SIN3A: variants seen among roughly 807,000 people sequenced by gnomAD.
The protein encoded by SIN3A is SIN3 transcription regulator family member A.
A neutral mutation model predicts 146.1 loss-of-function variants in SIN3A; 14 were observed. The ratio of observed to expected loss-of-function variants is 0.10; its 90% CI spans 0.06 to 0.15. The LOEUF (loss-of-function observed/expected upper bound fraction) is 0.15, where lower values mean the gene tolerates loss of function less well. Among genes scored for constraint, SIN3A ranks in the 10% least tolerant of loss-of-function variants. SIN3A has a pLI of 1.00. For missense variants in SIN3A, 1,028 were observed against 1,576.0 expected (o/e 0.65, Z 5.89); for synonymous variants, 572 against 572.0 (o/e 1.00, Z 0.00).
Position 75,400,906 on chromosome 15 carries a change from A to G in SIN3A, c.1561T>C (p.Phe521Leu). Residue 521 changes from phenylalanine (F) to leucine (L), a missense_variant, in exon 11 of 21, where the codon TTT becomes CTT. Physicochemically the swap from Phe to Leu is conservative, Grantham distance 22. Coordinates refer to ENST00000394947, the MANE Select transcript of SIN3A (RefSeq NM_001145358.2). ...TGTACAGACTCCTTATAGCCCAGAA[A>G]GTTTTTAAACCAATTAAACAACTCA... The part of the protein sequence containing the change: ...FPELFNWFKN[F>L]LGYKESVHLE... 6.2e-7 allele frequency: 1 copy of G among 1,613,976 alleles called. No homozygotes were observed. Among genetic ancestry groups the G allele is most frequent in the Non-Finnish European group, 8.5e-7 (1 of 1,180,044 alleles).
intron 2 of SIN3A, among the ~76,000 whole-genome samples, chr15:75,429,035 AAT>A (rs1306086515): frequency 2.0e-5 from 3 of 152,338 alleles, no homozygotes; most frequent in African/African-American, 7.2e-5. Context: ...GTATATGACA[AAT>A]ATACAAAATA....
rs1017566698 is a variant in SIN3A, at chr15:75,389,524, C to T, written c.3021+128G>A. On this transcript the variant is annotated intron_variant, in intron 16 of 20. Coordinates refer to ENST00000394947, the MANE Select transcript of SIN3A (RefSeq NM_001145358.2). ...ATCAGGCATCACATTAACCTCCCCT[C>T]CTCTCTTCAGAACCCTACGTTCATA... The T allele has an allele frequency of 2.1e-5, 18 of 861,154 alleles. No homozygotes were observed. The African/African-American group carries it at 2.2e-4, about 11-fold the overall frequency. The allele number at this position is 861,154 out of a possible 1,614,324, so 53.3% of individuals were successfully genotyped here.
upstream of SIN3A, chr15:75,455,504 A>T (rs2074476245): frequency 6.6e-6 from 1 of 152,294 alleles, no homozygotes; most frequent in South Asian, 2.1e-4. Context: ...AAACTAGGCT[A>T]CACGGCCGGC....
At position 75,394,662 on chromosome 15, in the gene SIN3A, C is replaced by G; in HGVS notation, c.2277+18G>C. 6.3e-7 allele frequency: 1 copy of G among 1,586,364 alleles called. No homozygotes were observed. Among genetic ancestry groups the G allele is most frequent in the Non-Finnish European group, 8.6e-7 (1 of 1,167,358 alleles). The stretch of plus-strand genomic sequence containing the variant: ...ATAGACTAGAGTCCTCTCACAGATG[C>G]AGAAACCCCCCGCTCACCTCATCAT... On this transcript the variant is annotated intron_variant, in intron 14 of 20. Transcript: ENST00000394947.
intron 1 of SIN3A, among the ~76,000 whole-genome samples, chr15:75,444,252 C>A (rs1161339855): frequency 6.6e-6 from 1 of 152,116 alleles, no homozygotes; most frequent in Non-Finnish European, 1.5e-5. Flanking sequence ...GCCAGCCTGG[C>A]CAATATGGTG....
chr15:75,394,709 G>A lies in SIN3A; in HGVS notation c.2248C>T (p.Leu750Phe), dbSNP rs764954862. 6.2e-7 allele frequency: 1 copy of A among 1,613,722 alleles called. No individual in the cohort carries two copies. The highest frequency in any genetic ancestry group is 8.5e-7 in the Non-Finnish European group (1 of 1,179,876). Reference sequence around the variant, plus strand: ...TCATAGATACTCTCAATCTCATTGAGTAAGCTCTTAGACCTCAGGACCTTG... The same window carrying A: ...TCATAGATACTCTCAATCTCATTGAATAAGCTCTTAGACCTCAGGACCTTG... ...DTKVLRSKSL[L>F]NEIESIYDER... The change falls in exon 14 of 21, where the codon CTC becomes TTC. Residue 750 changes from leucine to phenylalanine, a missense_variant. Leu to Phe is a conservative substitution (Grantham distance 22). Transcript: ENST00000394947.
At position 75,375,805 on chromosome 15, in the gene SIN3A, T is replaced by C. The variant is rs769304744; in HGVS notation, c.3451A>G (p.Asn1151Asp). The C allele has an allele frequency of 5.0e-5, 80 of 1,614,092 alleles. No homozygotes were observed. The highest frequency in any genetic ancestry group is 6.8e-5 in the Non-Finnish European group (80 of 1,180,044). ...ACATTCTCCATGGTCTTCTTGCTGT[T>C]TCCTTCCTTCCCTTCCTTTTCCTGC... ...EQQEKEGKEG[N>D]SKKTMENVDS... Residue 1151 changes from asparagine (N) to aspartate (D), a missense_variant, in exon 20 of 21, where the codon AAC becomes GAC. By Grantham distance (23) the Asn-to-Asp change is conservative (BLOSUM62 1). Coordinates refer to ENST00000394947, the MANE Select transcript of SIN3A (RefSeq NM_001145358.2).
intron 2 of SIN3A, among the ~76,000 whole-genome samples, chr15:75,423,755 G>C (rs2073879197): frequency 6.6e-6 from 1 of 152,142 alleles, no homozygotes; most frequent in Non-Finnish European, 1.5e-5. Context: ...CACTTTGGGA[G>C]GCCCAGGCAG....
At chr15:75,399,871 T>C (rs1041036930) in intron 12 of SIN3A, among the ~76,000 whole-genome samples, 169 bp downstream of exon 12, 3 of 152,234 alleles carry the variant, frequency 2.0e-5, no homozygotes, top group South Asian at 4.1e-4. Context: ...TGTACTAATA[T>C]ATACATTTGA....
intron 8 of SIN3A, among the ~76,000 whole-genome samples, chr15:75,408,037 C>T (rs1358551951): frequency 1.3e-5 from 2 of 151,698 alleles, no homozygotes; most frequent in Non-Finnish European, 2.9e-5. Flanking sequence ...ACCACTTACT[C>T]TCTATGAAGA....
In SIN3A at chr15:75,371,418, A is replaced by G. The variant is rs1595883282; in HGVS notation, c.*561T>C. 1 of 152,374 alleles carries G rather than the reference A, an allele frequency of 6.6e-6. No homozygotes were observed. The highest frequency in any genetic ancestry group is 2.4e-5 in the African/African-American group (1 of 41,442). 9.4% of individuals were successfully genotyped at this position (152,374 alleles called of 1,614,324 possible). A position where few individuals can be genotyped will look rare whatever the true frequency, so the allele number is the denominator to read the frequency against. Reference sequence around the variant, plus strand: ...AAATCCACAAGATGATCAATCCCAAAGCCAAACTGCAGGTCCCAGATAAAA... The same window carrying G: ...AAATCCACAAGATGATCAATCCCAAGGCCAAACTGCAGGTCCCAGATAAAA... On this transcript the variant is annotated 3_prime_UTR_variant, in exon 21 of 21. Transcript: ENST00000394947.
At chr15:75,432,456 G>A (rs1255515457) in intron 1 of SIN3A, among the ~76,000 whole-genome samples, 2 of 151,968 alleles carry the variant, frequency 1.3e-5, no homozygotes, top group Non-Finnish European at 2.9e-5. Flanking sequence ...GGAGGCTGAG[G>A]CAGGCAGATC....
At chr15:75,447,058 C>T (rs921861042) in intron 1 of SIN3A, among the ~76,000 whole-genome samples, 1 of 152,190 alleles carries the variant, frequency 6.6e-6, no homozygotes, top group Non-Finnish European at 1.5e-5. Flanking sequence ...TGGGCCACCG[C>T]GCCCAGCTCA....
intron 3 of SIN3A, among the ~76,000 whole-genome samples, chr15:75,417,378 C>CT (rs34223540): frequency 0.011 from 1,615 of 140,808 alleles, 15 homozygotes; most frequent in East Asian, 0.047. Flanking sequence ...CAGTCTTTTT[C>CT]TTTTTTTTTT....
chr15:75,412,687 T>C, intron 5 of SIN3A, 76 bp downstream of exon 5: 1 of 1,369,548 alleles, frequency 7.3e-7, no homozygotes, highest in Non-Finnish European at 9.8e-7. Context: ...CTAAGTCTTA[T>C]ATAAAGGGGA....
At chr15:75,409,150 G>C (rs1291630503) in intron 8 of SIN3A, among the ~76,000 whole-genome samples, 1 of 151,896 alleles carries the variant, frequency 6.6e-6, no homozygotes, top group Non-Finnish European at 1.5e-5. Context: ...GTTGTAGTGA[G>C]CTGAGATCAC....
chr15:75,442,120 C>CAAAAAAAA (rs57418865), intron 1 of SIN3A, among the ~76,000 whole-genome samples: 5 of 29,280 alleles, frequency 1.7e-4, no homozygotes, highest in Non-Finnish European at 2.7e-4. Context: ...GACTCTGTCT[C>CAAAAAAAA]AAAAAAAAAA....
intron 19 of SIN3A, among the ~76,000 whole-genome samples, chr15:75,376,728 C>T (rs967776892): frequency 6.6e-6 from 1 of 151,614 alleles, no homozygotes; most frequent in Admixed American, 6.6e-5. Flanking sequence ...GGTGTGGTGA[C>T]GTGTGCCTAG....
intron 1 of SIN3A, among the ~76,000 whole-genome samples, chr15:75,448,880 G>GA (rs995220332): frequency 3.3e-5 from 5 of 151,768 alleles, no homozygotes; most frequent in African/African-American, 9.7e-5. Context: ...CCTTAAAAAA[G>GA]AAAAAAAGTC....
Sources: allele counts gnomAD v4.1 joint callset (sites outside exome capture counted in the v4.1 genomes callset), GRCh38; gene constraint gnomAD v4.1.1; transcripts MANE v1.5; gene names NCBI Gene and HGNC (gene_info 2026-07-23, HGNC 2026-07-21).